ANAPC4: variants seen among roughly 807,000 people sequenced by gnomAD.
ANAPC4 encodes the protein anaphase-promoting complex subunit 4.
A neutral mutation model predicts 119.8 loss-of-function variants in ANAPC4; 63 were observed. That is an observed-to-expected ratio of 0.53 (90% CI 0.43 to 0.65). The LOEUF (loss-of-function observed/expected upper bound fraction) is 0.65. Ranked by LOEUF, ANAPC4 falls within the 30% of genes least tolerant of loss-of-function variation. The pLI, the probability that ANAPC4 is intolerant of heterozygous loss-of-function variation, is 0.00. For synonymous variants in ANAPC4, 283 were observed against 318.6 expected (o/e 0.89, Z 1.19); for missense variants, 716 against 945.1 (o/e 0.76, Z 3.18).
intron 26 of ANAPC4, chr4:25,415,861 T>G (rs2109148173): frequency 4.3e-6 from 1 of 230,966 alleles, no homozygotes; most frequent in Admixed American, 5.5e-5. Context: ...CCAAAAAAAA[T>G]TATGAGGTGA....
chr4:25,392,690 G>A (rs1722416620), intron 10 of ANAPC4, among the ~76,000 whole-genome samples: 2 of 121,020 alleles, frequency 1.7e-5, no homozygotes, highest in Non-Finnish European at 4.1e-5. Context: ...AAGTATTGTG[G>A]GAAAAACAGT....
intron 16 of ANAPC4, among the ~76,000 whole-genome samples, chr4:25,397,332 G>A (rs968652288): frequency 2.0e-5 from 3 of 151,958 alleles, no homozygotes; most frequent in Non-Finnish European, 4.4e-5. Flanking sequence ...CTGAAGGGTG[G>A]TGTAGTACCT....
rs761512567 is a variant in ANAPC4 at position 25,403,078 on chromosome 4, G to A, written c.1270+52G>A. On this transcript the variant is annotated intron_variant, in intron 17 of 28. Transcript: ENST00000315368. ...ATTTTAACACTTTAAAAAAATTATA[G>A]GAGTATTATCTTAGACTGTTTCAAT... 10 of 1,336,312 alleles carry A rather than the reference G, an allele frequency of 7.5e-6. No individual in the cohort carries two copies. In the Admixed American group the frequency reaches 1.5e-4, roughly 21 times the overall value. The allele number at this position is 1,336,312 out of a possible 1,614,324, so 82.8% of individuals were successfully genotyped here.
At chr4:25,389,348 G>A (rs572470304) in intron 7 of ANAPC4, among the ~76,000 whole-genome samples, 29 of 152,194 alleles carry the variant, frequency 1.9e-4, no homozygotes, top group Middle Eastern at 3.4e-3. Flanking sequence ...TAGTAGGGAC[G>A]GGGTTTCACC....
At chr4:25,407,756 A>G (rs976420789) in intron 20 of ANAPC4, among the ~76,000 whole-genome samples, 1 of 151,900 alleles carries the variant, frequency 6.6e-6, no homozygotes, top group African/African-American at 2.4e-5. Context: ...CCAGCCAGGC[A>G]TTGTGGCTCA....
At chr4:25,410,482 C>T (rs371793448) in intron 21 of ANAPC4, among the ~76,000 whole-genome samples, 28 of 152,204 alleles carry the variant, frequency 1.8e-4, no homozygotes, top group African/African-American at 4.8e-4. Flanking sequence ...TGCTTTAATC[C>T]TCACAAGATT....
At chr4:25,408,698 C>T (rs2109139765) in intron 20 of ANAPC4, among the ~76,000 whole-genome samples, 1 of 151,986 alleles carries the variant, frequency 6.6e-6, no homozygotes, top group South Asian at 2.1e-4. Context: ...GGAGACCTGC[C>T]ATGTTGCCCA....
intron 22 of ANAPC4, 122 bp downstream of exon 22, chr4:25,413,864 T>G (rs939893520): frequency 7.7e-6 from 6 of 783,690 alleles, no homozygotes; most frequent in Non-Finnish European, 1.2e-5. Context: ...GTCAACTGTT[T>G]TTGATTAACA....
chr4:25,415,642 G>A, intron 26 of ANAPC4, 102 bp downstream of exon 26: 1 of 937,288 alleles, frequency 1.1e-6, no homozygotes, highest in Non-Finnish European at 1.6e-6. Context: ...ATAGGTAAAA[G>A]GGCTTTGCCA....
chr4:25,417,560 A>C, intron 27 of ANAPC4, 56 bp from the exon 28 acceptor site: 1 of 1,513,572 alleles, frequency 6.6e-7, no homozygotes, highest in Non-Finnish European at 8.8e-7. Flanking sequence ...CTGTAGTAAA[A>C]CTAGGGAGGA....
chr4:25,383,764 TAA>T (rs1311167322), intron 4 of ANAPC4, among the ~76,000 whole-genome samples: 3 of 152,354 alleles, frequency 2.0e-5, no homozygotes, highest in Admixed American at 2.0e-4. Context: ...GTAACTTAAT[TAA>T]AATATACTTT....
intron 2 of ANAPC4, among the ~76,000 whole-genome samples, chr4:25,378,057 C>T (rs1159530405): frequency 6.6e-6 from 1 of 152,202 alleles, no homozygotes; most frequent in African/African-American, 2.4e-5. Context: ...TTCTCTTGTC[C>T]ACGTTTTATA....
chr4:25,418,065 C>G, intron 28 of ANAPC4, 90 bp from the exon 29 acceptor site: 2 of 1,239,100 alleles, frequency 1.6e-6, no homozygotes, highest in Non-Finnish European at 2.3e-6. Flanking sequence ...TCCTATAAAA[C>G]CATTCTTTGA....
intron 5 of ANAPC4, 21 bp downstream of exon 5, chr4:25,388,595 T>G: frequency 1.3e-6 from 2 of 1,582,612 alleles, no homozygotes; most frequent in Non-Finnish European, 1.7e-6. Flanking sequence ...CTGGTTTCTT[T>G]GAAATTAATC....
intron 22 of ANAPC4, chr4:25,413,968 G>A: frequency 2.1e-6 from 1 of 485,790 alleles, no homozygotes; most frequent in East Asian, 3.3e-5. Flanking sequence ...GATTACTGAA[G>A]GTGTTGGCAT....
At chr4:25,388,460 C>T in intron 4 of ANAPC4, 40 bp from the exon 5 acceptor site, 1 of 1,344,424 alleles carries the variant, frequency 7.4e-7, no homozygotes, top group Non-Finnish European at 1.1e-6. Context: ...GAAGTAAAAT[C>T]TTTGGTGTTT....
intron 16 of ANAPC4, among the ~76,000 whole-genome samples, chr4:25,399,484 G>T (rs188245072): frequency 6.6e-6 from 1 of 151,776 alleles, no homozygotes; most frequent in African/African-American, 2.4e-5. Flanking sequence ...TCATTTTAGG[G>T]TTATCTGATT....
At position 25,405,968 on chromosome 4, in the gene ANAPC4, T is replaced by C. The variant is rs1284127851; in HGVS notation, c.1317+349T>C. Among the ~76,000 whole-genome samples, 1 of 152,188 alleles carries C rather than the reference T, an allele frequency of 6.6e-6. No individual in the cohort carries two copies. The highest frequency in any genetic ancestry group is 6.5e-5 in the Admixed American group (1 of 15,278). ...AGGTGCTTAGATATTAGTCCCTGTGTTGATGTCTGGTAAGCAACAGTTTCT... is the reference window on the plus strand; with the variant it reads ...AGGTGCTTAGATATTAGTCCCTGTGCTGATGTCTGGTAAGCAACAGTTTCT... On this transcript the variant is annotated intron_variant, in intron 18 of 28. Transcript: ENST00000315368. This position sits in a 1 kb window ranked among gnomAD's most constrained non-coding sequence, Gnocchi z 4.6.
At chr4:25,391,301 C>T (rs1018204257) in intron 9 of ANAPC4, among the ~76,000 whole-genome samples, 1 of 152,186 alleles carries the variant, frequency 6.6e-6, no homozygotes, top group African/African-American at 2.4e-5. Flanking sequence ...TTGCTTAGGA[C>T]TCTGTCCCTG....
Sources: allele counts gnomAD v4.1 joint callset (sites outside exome capture counted in the v4.1 genomes callset), GRCh38; gene constraint gnomAD v4.1.1; non-coding constraint Gnocchi (gnomAD v3.1); transcripts MANE v1.5; gene names NCBI Gene and HGNC (gene_info 2026-07-23, HGNC 2026-07-21).